The following ELFN1 variants were observed in gnomAD, a reference collection of about 807,000 sequenced individuals.
ELFN1 encodes protein ELFN1.
ELFN1 carries 6 observed loss-of-function variants against 7.6 expected under a neutral mutation model. The ratio of observed to expected loss-of-function variants is 0.79; its 90% confidence interval spans 0.43 to 1.56. The LOEUF is 1.56. ELFN1 is among the 40% of genes most tolerant of loss of function. ELFN1 has a pLI of 0.01. For synonymous variants in ELFN1, 657 were observed against 588.1 expected (o/e 1.12, Z -1.70); for missense variants, 1,169 against 1,232.2 (o/e 0.95, Z 0.77).
At chr7:1,686,110 G>C (rs951423027) in intron 1 of ELFN1, among the ~76,000 whole-genome samples, 61 of 150,080 alleles carry the variant, frequency 4.1e-4, no homozygotes, top group African/African-American at 1.4e-3. Flanking sequence ...TGGATGTCTT[G>C]TAAGTTTGTG....
chr7:1,725,894 A>G (rs1583378142), intron 3 of ELFN1, among the ~76,000 whole-genome samples: 1 of 152,056 alleles, frequency 6.6e-6, no homozygotes, highest in Middle Eastern at 3.4e-3. Context: ...ACACACAAAT[A>G]CACACTCACA....
rs188572097 is a variant in ELFN1, at chr7:1,739,333, A to T, written c.-293-4971A>T. 6.6e-6 allele frequency: 1 copy of T among 152,342 alleles called. No homozygotes were observed. The highest frequency in any genetic ancestry group is 1.9e-4 in the East Asian group (1 of 5,160). 9.4% of individuals were successfully genotyped at this position (152,342 alleles called of 1,614,324 possible). ...CCAGATGCTTCTGCAGGTGGATTAG[A>T]TGCTGCTGGAGTTGGACCAGGTGTG... On this transcript the variant is annotated intron_variant, in intron 3 of 3. Coordinates refer to ENST00000424383, the MANE Select transcript of ELFN1 (RefSeq NM_001128636.4). The surrounding 1 kb of genome is among the most constrained non-coding windows in gnomAD (Gnocchi z 4.6).
At chr7:1,692,911 T>C in intron 2 of ELFN1, 1 of 193,178 alleles carries the variant, frequency 5.2e-6, no homozygotes, top group Non-Finnish European at 1.1e-5. Flanking sequence ...AGCTTCCGCC[T>C]CTATGTACCC....
At chr7:1,689,766 A>T (rs938983858) in intron 2 of ELFN1, among the ~76,000 whole-genome samples, 5 of 152,204 alleles carry the variant, frequency 3.3e-5, no homozygotes, top group African/African-American at 1.2e-4. Flanking sequence ...TGCTACACTG[A>T]GATGAGTGTC....
At chr7:1,730,560 A>G (rs759014628) in intron 3 of ELFN1, among the ~76,000 whole-genome samples, 1 of 152,264 alleles carries the variant, frequency 6.6e-6, no homozygotes, top group Non-Finnish European at 1.5e-5. Flanking sequence ...TAAACTACAC[A>G]GTGTCCACAG....
intron 3 of ELFN1, among the ~76,000 whole-genome samples, chr7:1,741,772 G>C (rs527393445): frequency 3.3e-5 from 5 of 152,034 alleles, no homozygotes; most frequent in Non-Finnish European, 7.4e-5. Context: ...AATCTGGGGG[G>C]CTCCGAGCTG....
rs1780418402 is a variant in ELFN1, at chr7:1,735,431, C to T, written c.-293-8873C>T. Among the ~76,000 whole-genome samples, 4 of 152,174 alleles carry T rather than the reference C, an allele frequency of 2.6e-5. No individual in the cohort carries two copies. Among genetic ancestry groups the T allele is most frequent in the Admixed American group, 2.0e-4 (3 of 15,300 alleles). On this transcript the variant is annotated intron_variant, in intron 3 of 3. Coordinates refer to ENST00000424383, the MANE Select transcript of ELFN1 (RefSeq NM_001128636.4). The surrounding 1 kb of genome is among the most constrained non-coding windows in gnomAD (Gnocchi z 5.9). ...AGGCAGCAGTCCCCTCCGTTCTACT[C>T]CCCAGCCCGGCCTCCTGGAGGGCAA...
Position 1,674,015 on chromosome 7 carries a change from G to A in ELFN1, c.-549+3661G>A, listed in dbSNP as rs772028868. 3.3e-5 allele frequency among the ~76,000 whole-genome samples: 5 copies of A among 152,098 alleles called. No individual in the cohort carries two copies. In the South Asian group the frequency reaches 1.0e-3, roughly 32 times the overall value. On this transcript the variant is annotated intron_variant, in intron 1 of 3. Transcript: ENST00000424383. ...TACTCCGCTCCCTGCTCCAGGCCAC[G>A]GGGGTACACAGGAGCTGGTGGGGAA... is the stretch of plus-strand genomic sequence containing the variant.
chr7:1,697,691 C>T (rs771035351), intron 2 of ELFN1, among the ~76,000 whole-genome samples: 3 of 152,236 alleles, frequency 2.0e-5, no homozygotes, highest in Admixed American at 6.5e-5. Context: ...CTCCTCCTTC[C>T]GGGACTTTAT....
chr7:1,717,584 A>G (rs1223470420), intron 3 of ELFN1, among the ~76,000 whole-genome samples: 1 of 152,162 alleles, frequency 6.6e-6, no homozygotes, highest in Non-Finnish European at 1.5e-5. Flanking sequence ...GATGTGGTTC[A>G]TGGGGGAGCC....
rs967183963 is a variant in ELFN1 at position 1,680,737 on chromosome 7, A to ATT, written c.-548-7300_-548-7299dup. On this transcript the variant is annotated intron_variant, in intron 1 of 3. Transcript: ENST00000424383. ...TGCACCCTGTCTCTGTGGATTTACAATTTTTTTTTTTTTTTTTTTTTTGAG... is the reference window on the plus strand; with the variant it reads ...TGCACCCTGTCTCTGTGGATTTACAATTTTTTTTTTTTTTTTTTTTTTTTGAG... 2.4e-3 allele frequency among the ~76,000 whole-genome samples: 312 copies of ATT among 128,858 alleles called. 1 individual carries two copies. Among genetic ancestry groups the ATT allele is most frequent in the African/African-American group, 4.5e-3 (151 of 33,572 alleles). 84.5% of individuals were successfully genotyped at this position (128,858 alleles called of 152,430 possible). A position where few individuals can be genotyped will look rare whatever the true frequency, so the allele number is the denominator to read the frequency against.
chr7:1,679,893 G>A (rs931124179), intron 1 of ELFN1, among the ~76,000 whole-genome samples: 1 of 152,242 alleles, frequency 6.6e-6, no homozygotes, highest in African/African-American at 2.4e-5. Flanking sequence ...CCACCACAGG[G>A]CCCTGGCACC....
intron 1 of ELFN1, among the ~76,000 whole-genome samples, chr7:1,672,278 G>A (rs1321492704): frequency 6.6e-6 from 1 of 152,096 alleles, no homozygotes; most frequent in Non-Finnish European, 1.5e-5. Flanking sequence ...CCATGCCCCA[G>A]GACTGCCACT....
chr7:1,668,632 G>A (rs551429813), upstream of ELFN1, among the ~76,000 whole-genome samples: 6 of 152,344 alleles, frequency 3.9e-5, no homozygotes, highest in African/African-American at 1.4e-4. Context: ...CTGCAGCTGG[G>A]GAGACCTCAC....
At chr7:1,718,066 C>T (rs1000558716) in intron 3 of ELFN1, among the ~76,000 whole-genome samples, 3 of 152,226 alleles carry the variant, frequency 2.0e-5, no homozygotes, top group Non-Finnish European at 4.4e-5. Context: ...TCACCATCAC[C>T]TGCAGTTTCC....
chr7:1,685,094 A>G (rs1398558503), intron 1 of ELFN1, among the ~76,000 whole-genome samples: 1 of 152,056 alleles, frequency 6.6e-6, no homozygotes, highest in Non-Finnish European at 1.5e-5. Flanking sequence ...GTTTGCTTTC[A>G]TTCTTGGCTA....
chr7:1,730,978 A>G (rs562548960), intron 3 of ELFN1, among the ~76,000 whole-genome samples: 1 of 152,332 alleles, frequency 6.6e-6, no homozygotes, highest in East Asian at 1.9e-4. Context: ...AAATCAAACC[A>G]ACATATACAA....
rs763898846 is a variant in ELFN1, at chr7:1,719,142, GCCACCAACAGGGCCCCGC to G, written c.-294+9920_-294+9937del. ...GACCCCGCCCACCAACAGGACCCAA[GCCACCAACAGGGCCCCGC>G]CCACCAACAGGGCCCCGCCCACCAA... On this transcript the variant is annotated intron_variant, in intron 3 of 3. Transcript: ENST00000424383. Among the ~76,000 whole-genome samples the G allele has an allele frequency of 4.8e-3, 630 of 132,288 alleles. 5 individuals carry two copies. The highest frequency in any genetic ancestry group is 0.019 in the African/African-American group (551 of 29,616). The allele number at this position is 132,288 out of a possible 152,430, so 86.8% of individuals were successfully genotyped here.
intron 3 of ELFN1, among the ~76,000 whole-genome samples, chr7:1,728,974 G>C (rs909279131): frequency 1.3e-5 from 2 of 152,206 alleles, no homozygotes; most frequent in Non-Finnish European, 2.9e-5. Flanking sequence ...GTAAACTGAG[G>C]CTCAAAGAAC....
Sources: allele counts gnomAD v4.1 joint callset (sites outside exome capture counted in the v4.1 genomes callset), GRCh38; gene constraint gnomAD v4.1.1; non-coding constraint Gnocchi (gnomAD v3.1); transcripts MANE v1.5; gene names NCBI Gene and HGNC (gene_info 2026-07-23, HGNC 2026-07-21).